The following SIRT2 variants were observed in gnomAD, a reference collection of about 807,000 sequenced individuals.
SIRT2 encodes the protein sirtuin 2, also known as NAD-dependent protein deacetylase sirtuin-2.
A neutral mutation model predicts 57.4 loss-of-function variants in SIRT2; 40 were observed. The observed-to-expected ratio is 0.70, with a 90% CI of 0.54 to 0.91. The LOEUF is 0.91. Ranked by LOEUF, SIRT2 falls within the 40% of genes least tolerant of loss-of-function variation. The pLI is 0.00. For synonymous variants in SIRT2, 161 were observed against 195.7 expected (o/e 0.82, Z 1.48); for missense variants, 439 against 510.4 (o/e 0.86, Z 1.35).
chr19:38,884,110 A>T (rs974614126), intron 8 of SIRT2, among the ~76,000 whole-genome samples: 4 of 24,100 alleles, frequency 1.7e-4, no homozygotes, highest in African/African-American at 1.4e-3. Context: ...CAAAAAATTA[A>T]AAAAAAAAAA....
rs1297643906 is a variant in SIRT2, at chr19:38,879,627, C to T, written c.947+5G>A. The T allele has an allele frequency of 6.4e-7, 1 of 1,568,260 alleles. No individual in the cohort carries two copies. The highest frequency in any genetic ancestry group is 1.2e-5 in the South Asian group (1 of 85,404). On this transcript the variant is annotated splice_donor_5th_base_variant and intron_variant, in intron 14 of 15. Coordinates refer to ENST00000249396, the MANE Select transcript of SIRT2 (RefSeq NM_012237.4). ...AGGCTGCCCCAACCCCCGGCGGGGC[C>T]TCACCTGTAGGCCTTCTTGGAGTCA...
At chr19:38,881,694 C>T (rs1568396043) in intron 9 of SIRT2, among the ~76,000 whole-genome samples, 1 of 145,772 alleles carries the variant, frequency 6.9e-6, no homozygotes, top group African/African-American at 2.5e-5. Context: ...TTTTTTCTTT[C>T]TTTTTTTTTT....
intron 11 of SIRT2, 76 bp downstream of exon 11, chr19:38,881,024 C>A: frequency 6.4e-7 from 1 of 1,559,092 alleles, no homozygotes; most frequent in Non-Finnish European, 8.8e-7. Flanking sequence ...TGAGGCAGGG[C>A]CCAGGCTGCC....
intron 8 of SIRT2, among the ~76,000 whole-genome samples, chr19:38,885,614 C>T (rs1247558569): frequency 3.1e-5 from 4 of 129,650 alleles, no homozygotes; most frequent in African/African-American, 2.8e-5. Context: ...TTTTTTGAGA[C>T]GGAGTCTTGC....
chr19:38,889,879 G>T lies in SIRT2; in HGVS notation c.351C>A (p.Ala117=), dbSNP rs750933845. The change falls in exon 6 of 16, where the codon GCC becomes GCA. Residue 117 remains alanine, a synonymous_variant. Coordinates refer to ENST00000249396, the MANE Select transcript of SIRT2 (RefSeq NM_012237.4). ...LEKYHLPYPE[A]IFEISYFKKH... is the part of the protein sequence containing the mutation. ...CCTTGAAATAGCTGATCTCAAAGAT[G>T]GCCTCTGGGTAGGGAAGATGGTACT... 6.2e-7 allele frequency: 1 copy of T among 1,614,098 alleles called. No individual in the cohort carries two copies. Among genetic ancestry groups the T allele is most frequent in the Admixed American group, 1.7e-5 (1 of 60,018 alleles).
intron 2 of SIRT2, among the ~76,000 whole-genome samples, chr19:38,897,527 CTT>C (rs200909500): frequency 6.2e-5 from 9 of 146,202 alleles, no homozygotes; most frequent in Non-Finnish European, 6.1e-5. Flanking sequence ...ACTTTTCTTC[CTT>C]TTTTTTTTTT....
intron 15 of SIRT2, 62 bp from the exon 16 acceptor site, chr19:38,879,372 T>TGGGGTGGGGAGAGGGTCCA: frequency 2.5e-6 from 4 of 1,602,610 alleles, no homozygotes; most frequent in Non-Finnish European, 3.4e-6. Flanking sequence ...AGAGGACCCA[T>TGGGGTGGGGAGAGGGTCCA]GGGGTGGGGA....
At chr19:38,881,604 C>G (rs2082435) in intron 9 of SIRT2, 113 bp from the exon 10 acceptor site, 313,344 of 795,514 alleles carry the variant, frequency 0.39, 63,689 homozygotes, top group Admixed American at 0.55. Context: ...ACCTCCATCA[C>G]TTGGAGTGTG....
Position 38,880,789 on chromosome 19 carries a change from A to C in SIRT2, c.824+32T>G, listed in dbSNP as rs368208209. The C allele has an allele frequency of 2.5e-6, 4 of 1,612,442 alleles. No individual in the cohort carries two copies. The highest frequency in any genetic ancestry group is 3.4e-6 in the Non-Finnish European group (4 of 1,178,984). On this transcript the variant is annotated intron_variant, in intron 12 of 15. Transcript: ENST00000249396. This position sits in a 1 kb window ranked among gnomAD's most constrained non-coding sequence, Gnocchi z 4.1. ...GGGTCTGTCCTGGCCCTGGGTGCCC[A>C]GCCGTCCTCCCAGCCACAGCCCCCA...
chr19:38,886,086 T>A (rs889402150), intron 8 of SIRT2, among the ~76,000 whole-genome samples: 4 of 152,200 alleles, frequency 2.6e-5, no homozygotes, highest in Non-Finnish European at 4.4e-5. Flanking sequence ...ATGGCTCGCA[T>A]GTGTGGCCCA....
chr19:38,880,860 G>A lies in SIRT2; in HGVS notation c.785C>T (p.Thr262Ile), dbSNP rs199995434. Reference protein sequence around the residue: ...LKVDLLLVMGTSLQVQPFASL... With the variant: ...LKVDLLLVMGISLQVQPFASL... ...GGCAAAGGGCTGCACCTGCAAGGAGGTACCCATGACCAGGAGGAGGTCCAC... is the reference window on the plus strand; with the variant it reads ...GGCAAAGGGCTGCACCTGCAAGGAGATACCCATGACCAGGAGGAGGTCCAC... Residue 262 changes from threonine (T) to isoleucine (I), a missense_variant, in exon 12 of 16, where the codon ACC becomes ATC. Thr to Ile is a moderately conservative substitution (Grantham distance 89). Coordinates refer to ENST00000249396, the MANE Select transcript of SIRT2 (RefSeq NM_012237.4). The surrounding 1 kb of genome is among the most constrained non-coding windows in gnomAD (Gnocchi z 4.1). 3.0e-5 allele frequency: 49 copies of A among 1,613,756 alleles called. 1 individual carries two copies. Among genetic ancestry groups the A allele is most frequent in the Non-Finnish European group, 3.8e-5 (45 of 1,179,918 alleles).
At chr19:38,888,931 C>A (rs1258235994) in intron 8 of SIRT2, among the ~76,000 whole-genome samples, 156 bp downstream of exon 8, 1 of 152,246 alleles carries the variant, frequency 6.6e-6, no homozygotes, top group Non-Finnish European at 1.5e-5. Flanking sequence ...TGACTCACGG[C>A]AGGTCATGCA....
chr19:38,885,074 C>G (rs1257689048), intron 8 of SIRT2, among the ~76,000 whole-genome samples: 2 of 151,884 alleles, frequency 1.3e-5, no homozygotes, highest in African/African-American at 2.4e-5. Flanking sequence ...TCATAGATGG[C>G]ATATTCACCT....
chr19:38,880,729 G>T lies in SIRT2; in HGVS notation c.832C>A (p.Leu278Ile). ...TTGATGAGCAGGCGAGGGGTGGAGA[G>T]GGGTGCCCTGTGGGGAGGGGGAGCT... Reference protein sequence around the residue: ...PFASLISKAPLSTPRLLINKE... With the variant: ...PFASLISKAPISTPRLLINKE... The change falls in exon 13 of 16, where the codon CTC becomes ATC. Residue 278 changes from leucine (L) to isoleucine (I), a missense_variant. Leu to Ile is a conservative substitution (Grantham distance 5). Coordinates refer to ENST00000249396, the MANE Select transcript of SIRT2 (RefSeq NM_012237.4). This position sits in a 1 kb window ranked among gnomAD's most constrained non-coding sequence, Gnocchi z 4.1. 1 of 1,606,226 alleles carries T rather than the reference G, an allele frequency of 6.2e-7. No individual in the cohort carries two copies. Among genetic ancestry groups the T allele is most frequent in the Non-Finnish European group, 8.5e-7 (1 of 1,174,426 alleles).
In SIRT2 at chr19:38,890,110, G is replaced by T; in HGVS notation, c.261C>A (p.Ile87=). 6.2e-7 allele frequency: 1 copy of T among 1,614,212 alleles called. No homozygotes were observed. The highest frequency in any genetic ancestry group is 8.5e-7 in the Non-Finnish European group (1 of 1,180,028). ...RRVICLVGAG[I]STSAGIPDFR... ...GGGAGAAGGGTTACTTACATGTGGAGATTCCAGCTCCCACCAAACAGATGA... is the reference window on the plus strand; with the variant it reads ...GGGAGAAGGGTTACTTACATGTGGATATTCCAGCTCCCACCAAACAGATGA... The change falls in exon 5 of 16, where the codon ATC becomes ATA. Residue 87 remains isoleucine, a synonymous_variant. Coordinates refer to ENST00000249396, the MANE Select transcript of SIRT2 (RefSeq NM_012237.4).
At position 38,880,784 on chromosome 19, in the gene SIRT2, T is replaced by C. The variant is rs778402147; in HGVS notation, c.824+37A>G. 4 of 1,611,134 alleles carry C rather than the reference T, an allele frequency of 2.5e-6. No homozygotes were observed. The highest frequency in any genetic ancestry group is 3.4e-6 in the Non-Finnish European group (4 of 1,177,888). On this transcript the variant is annotated intron_variant, in intron 12 of 15. Coordinates refer to ENST00000249396, the MANE Select transcript of SIRT2 (RefSeq NM_012237.4). The surrounding 1 kb of genome is among the most constrained non-coding windows in gnomAD (Gnocchi z 4.1). ...GGTCAGGGTCTGTCCTGGCCCTGGG[T>C]GCCCAGCCGTCCTCCCAGCCACAGC...
rs983778630 is a variant in SIRT2, at chr19:38,881,106, C to T, written c.741G>A (p.Met247Ile). The change falls in exon 11 of 16, where the codon ATG becomes ATA. Residue 247 changes from methionine to isoleucine, a missense_variant. Transcript: ENST00000249396. ...AGGCTGGGGGGCCACTTACTGACTG[C>T]ATACAGGAGAAGAAACGCGCTGGGA... The part of the protein sequence containing the change: ...ESLPARFFSC[M>I]QSDFLKVDLL... 2.5e-5 allele frequency: 40 copies of T among 1,613,128 alleles called. No individual in the cohort carries two copies. The highest frequency in any genetic ancestry group is 3.4e-5 in the Non-Finnish European group (40 of 1,179,744).
At position 38,889,843 on chromosome 19, in the gene SIRT2, G is replaced by A; in HGVS notation, c.375+12C>T. 4 of 1,613,620 alleles carry A rather than the reference G, an allele frequency of 2.5e-6. No individual in the cohort carries two copies. The highest frequency in any genetic ancestry group is 2.2e-5 in the South Asian group (2 of 91,064). On this transcript the variant is annotated intron_variant, in intron 6 of 15. Coordinates refer to ENST00000249396, the MANE Select transcript of SIRT2 (RefSeq NM_012237.4). ...ACCCCTCACAGACGCCCCTTCCTGGGGGAGCACAAACCTTGAAATAGCTGA... is the reference window on the plus strand; with the variant it reads ...ACCCCTCACAGACGCCCCTTCCTGGAGGAGCACAAACCTTGAAATAGCTGA...
At position 38,887,161 on chromosome 19, in the gene SIRT2, T is replaced by A. The variant is rs545615910; in HGVS notation, c.501+1926A>T. On this transcript the variant is annotated intron_variant, in intron 8 of 15. Coordinates refer to ENST00000249396, the MANE Select transcript of SIRT2 (RefSeq NM_012237.4). ...AACAGCACCCCCTTTCCCGAACACA[T>A]ACACCGTTTCTGACTCCCCTTCCAG... 6.4e-4 allele frequency among the ~76,000 whole-genome samples: 97 copies of A among 152,200 alleles called. No homozygotes were observed. In the South Asian group the frequency reaches 0.018, roughly 29 times the overall value.
Sources: gnomAD v4.1 joint callset for allele counts (sites outside exome capture counted in the v4.1 genomes callset) on GRCh38, gnomAD v4.1.1 for gene constraint, Gnocchi (gnomAD v3.1) non-coding constraint, MANE v1.5 for transcripts, NCBI Gene and HGNC (gene_info 2026-07-23, HGNC 2026-07-21) for gene names.